The following ATP1B2 variants were observed in gnomAD, a reference collection of about 807,000 sequenced individuals.
The protein encoded by ATP1B2 is sodium/potassium-transporting ATPase subunit beta-2.
Under a neutral mutation model 37.3 loss-of-function variants are expected in ATP1B2, and 12 were observed. The observed-to-expected ratio is 0.32, with a 90% CI of 0.21 to 0.52. The LOEUF is 0.52. ATP1B2 is among the 20% of genes least tolerant of loss of function. ATP1B2 has a pLI of 0.96. For synonymous variants in ATP1B2, 139 were observed against 140.5 expected (o/e 0.99, Z 0.07); for missense variants, 324 against 391.6 (o/e 0.83, Z 1.46).
chr17:7,651,418 C>T lies in ATP1B2; in HGVS notation c.-101C>T. On this transcript the variant is annotated 5_prime_UTR_variant, in exon 1 of 7. Transcript: ENST00000250111. Reference sequence around the variant, plus strand: ...GGGTCTCCTTTGCCCGCGCCGCCTTCGCTCCCCGTGCTTTTGGGTGTGTGG... The same window carrying T: ...GGGTCTCCTTTGCCCGCGCCGCCTTTGCTCCCCGTGCTTTTGGGTGTGTGG... The T allele has an allele frequency of 9.1e-7, 1 of 1,102,320 alleles. No homozygotes were observed. The highest frequency in any genetic ancestry group is 1.3e-6 in the Non-Finnish European group (1 of 753,168). 68.3% of individuals were successfully genotyped at this position (1,102,320 alleles called of 1,614,324 possible).
At chr17:7,651,678 G>T (rs1336522111) in intron 1 of ATP1B2, 48 bp downstream of exon 1, 2 of 1,502,882 alleles carry the variant, frequency 1.3e-6, no homozygotes, top group Admixed American at 4.0e-5. Context: ...GCGGGGCGAC[G>T]CCTCGGGGGC....
rs2072655114 is a variant in ATP1B2 at position 7,656,646 on chromosome 17, C to T, written c.*751C>T. On this transcript the variant is annotated 3_prime_UTR_variant, in exon 7 of 7. Transcript: ENST00000250111. ...CTGAAAATCCTCTAGCAGCCCCCGA[C>T]TTCAGCAGTTTCTTTCTTTGTTTTT... 6.5e-6 allele frequency: 1 copy of T among 152,992 alleles called. No individual in the cohort carries two copies. The highest frequency in any genetic ancestry group is 2.4e-5 in the African/African-American group (1 of 41,420). 9.5% of individuals were successfully genotyped at this position (152,992 alleles called of 1,614,324 possible). A position where few individuals can be genotyped will look rare whatever the true frequency, so the allele number is the denominator to read the frequency against.
Position 7,653,617 on chromosome 17 carries a change from T to C in ATP1B2, c.241+115T>C, listed in dbSNP as rs2072628343. The C allele has an allele frequency of 5.1e-5, 75 of 1,481,300 alleles. 1 individual carries two copies. The South Asian group carries it at 9.8e-4, about 19-fold the overall frequency. The allele number at this position is 1,481,300 out of a possible 1,614,324, so 91.8% of individuals were successfully genotyped here. ...TGATTTTGATGACCCAATCCCCACG[T>C]GCTTGGAAGTTCTTGAAATCTGTCC... is the stretch of plus-strand genomic sequence containing the variant. On this transcript the variant is annotated intron_variant, in intron 2 of 6. Transcript: ENST00000250111.
chr17:7,651,150 G>T lies in ATP1B2; in HGVS notation c.-369G>T. On this transcript the variant is annotated 5_prime_UTR_variant, in exon 1 of 7. Coordinates refer to ENST00000250111, the MANE Select transcript of ATP1B2 (RefSeq NM_001678.5). Reference sequence around the variant, plus strand: ...CCTTTTTGTACCCCGCTTTTTTTCTGCGTTCTGCTCGGTTTTTGTAGCCGT... The same window carrying T: ...CCTTTTTGTACCCCGCTTTTTTTCTTCGTTCTGCTCGGTTTTTGTAGCCGT... The T allele has an allele frequency of 1.4e-5, 3 of 214,826 alleles. No individual in the cohort carries two copies. Among genetic ancestry groups the T allele is most frequent in the Admixed American group, 5.8e-5 (1 of 17,184 alleles). 13.3% of individuals were successfully genotyped at this position (214,826 alleles called of 1,614,324 possible). A position where few individuals can be genotyped will look rare whatever the true frequency, so the allele number is the denominator to read the frequency against.
Position 7,655,574 on chromosome 17 carries a change from C to T in ATP1B2, c.657C>T (p.Ala219=), listed in dbSNP as rs2150978704. 1.2e-6 allele frequency: 2 copies of T among 1,614,208 alleles called. No homozygotes were observed. The highest frequency in any genetic ancestry group is 1.1e-5 in the South Asian group (1 of 91,080). ...ENLGNFVMFP[A]NGNIDLMYFP... is the part of the protein sequence containing the mutation. ...TCGGCAACTTCGTCATGTTCCCCGC[C>T]AACGGCAACATCGACCTCATGTACT... Residue 219 remains alanine, a synonymous_variant, in exon 6 of 7, where the codon GCC becomes GCT. Transcript: ENST00000250111. The surrounding 1 kb of genome is among the most constrained non-coding windows in gnomAD (Gnocchi z 4.4).
chr17:7,657,327 C>G lies in ATP1B2; in HGVS notation c.*1432C>G, dbSNP rs573864793. 1 of 152,238 alleles carries G rather than the reference C, an allele frequency of 6.6e-6. No individual in the cohort carries two copies. The highest frequency in any genetic ancestry group is 6.5e-5 in the Admixed American group (1 of 15,274). The allele number at this position is 152,238 out of a possible 1,614,324, so 9.4% of individuals were successfully genotyped here. On this transcript the variant is annotated 3_prime_UTR_variant, in exon 7 of 7. Coordinates refer to ENST00000250111, the MANE Select transcript of ATP1B2 (RefSeq NM_001678.5). Reference sequence around the variant, plus strand: ...TCCTCTGCATGCCAGCCTGAAAATTCCAAATCTAGCCTCTGAATGTCTTGG... The same window carrying G: ...TCCTCTGCATGCCAGCCTGAAAATTGCAAATCTAGCCTCTGAATGTCTTGG...
Position 7,651,155 on chromosome 17 carries a change from C to A in ATP1B2, c.-364C>A. The A allele has an allele frequency of 4.3e-6, 1 of 231,456 alleles. No homozygotes were observed. Among genetic ancestry groups the A allele is most frequent in the South Asian group, 4.6e-5 (1 of 21,886 alleles). 14.3% of individuals were successfully genotyped at this position (231,456 alleles called of 1,614,324 possible). A position where few individuals can be genotyped will look rare whatever the true frequency, so the allele number is the denominator to read the frequency against. ...TTGTACCCCGCTTTTTTTCTGCGTT[C>A]TGCTCGGTTTTTGTAGCCGTCTGTT... On this transcript the variant is annotated 5_prime_UTR_variant, in exon 1 of 7. The change creates a new upstream start codon in the 5' untranslated region. Transcript: ENST00000250111.
At chr17:7,653,977 A>G (rs2072631802) in intron 3 of ATP1B2, 32 bp downstream of exon 3, 1 of 1,613,414 alleles carries the variant, frequency 6.2e-7, no homozygotes, top group Non-Finnish European at 8.5e-7. Context: ...TGTCAGTTCA[A>G]GACTTCGGGC....
Position 7,655,371 on chromosome 17 carries a change from GACAC to G in ATP1B2, c.610-146_610-143del, listed in dbSNP as rs1163044113. 9.0e-6 allele frequency: 6 copies of G among 666,576 alleles called. No homozygotes were observed. Among genetic ancestry groups the G allele is most frequent in the Non-Finnish European group, 1.0e-5 (4 of 384,484 alleles). 41.3% of individuals were successfully genotyped at this position (666,576 alleles called of 1,614,324 possible). On this transcript the variant is annotated intron_variant, in intron 5 of 6. Coordinates refer to ENST00000250111, the MANE Select transcript of ATP1B2 (RefSeq NM_001678.5). This position sits in a 1 kb window ranked among gnomAD's most constrained non-coding sequence, Gnocchi z 4.4. Reference sequence around the variant, plus strand: ...CCCCTCATCTACACACGCACATGCAGACACACACACACAGACTCACAGCTCCAGG... The same window carrying G: ...CCCCTCATCTACACACGCACATGCAGACACACACAGACTCACAGCTCCAGG...
upstream of ATP1B2, among the ~76,000 whole-genome samples, chr17:7,647,558 C>T (rs977339298): frequency 1.4e-4 from 21 of 152,142 alleles, no homozygotes; most frequent in African/African-American, 4.6e-4. Flanking sequence ...CGGTGGCTCA[C>T]GCCTGTAATC....
In ATP1B2 at chr17:7,656,135, G is replaced by A. The variant is rs974353760; in HGVS notation, c.*240G>A. ...TCAGTCAGACAGGGAGCTGGGCTAA[G>A]ATGGCCACGGAGGAGTTAGGAGCCT... On this transcript the variant is annotated 3_prime_UTR_variant, in exon 7 of 7. Transcript: ENST00000250111. The A allele has an allele frequency of 1.4e-5, 8 of 576,540 alleles. No individual in the cohort carries two copies. The highest frequency in any genetic ancestry group is 2.1e-5 in the Non-Finnish European group (7 of 326,472). 35.7% of individuals were successfully genotyped at this position (576,540 alleles called of 1,614,324 possible). A position where few individuals can be genotyped will look rare whatever the true frequency, so the allele number is the denominator to read the frequency against.
upstream of ATP1B2, among the ~76,000 whole-genome samples, chr17:7,650,780 G>C (rs1258662192): frequency 1.3e-5 from 2 of 152,082 alleles, no homozygotes; most frequent in African/African-American, 4.8e-5. Flanking sequence ...GAGAAGTCAG[G>C]GGGGCGGGCC....
chr17:7,653,262 C>T (rs764273066), intron 1 of ATP1B2, 112 bp from the exon 2 acceptor site: 54 of 1,485,298 alleles, frequency 3.6e-5, no homozygotes, highest in Non-Finnish European at 4.8e-5. Context: ...ATCCCTGTGG[C>T]TCTGTGATCA....
At position 7,656,927 on chromosome 17, in the gene ATP1B2, T is replaced by TGCCTCGGCCTCC. The variant is rs938101186; in HGVS notation, c.*1033_*1044dup. The TGCCTCGGCCTCC allele has an allele frequency of 6.6e-6, 1 of 150,730 alleles. No homozygotes were observed. The highest frequency in any genetic ancestry group is 2.4e-5 in the African/African-American group (1 of 41,192). 9.3% of individuals were successfully genotyped at this position (150,730 alleles called of 1,614,324 possible). The stretch of plus-strand genomic sequence containing the variant: ...AACTCCCGACCTCAGGTGATCCACC[T>TGCCTCGGCCTCC]GCCTCGGCCTCCCAAAGTGTTGGGA... On this transcript the variant is annotated 3_prime_UTR_variant, in exon 7 of 7. Transcript: ENST00000250111.
Position 7,654,547 on chromosome 17 carries a change from G to T in ATP1B2, c.553-81G>T, listed in dbSNP as rs2072636834. 2.7e-6 allele frequency: 4 copies of T among 1,478,464 alleles called. No individual in the cohort carries two copies. The highest frequency in any genetic ancestry group is 3.8e-6 in the Non-Finnish European group (4 of 1,057,680). The allele number at this position is 1,478,464 out of a possible 1,614,324, so 91.6% of individuals were successfully genotyped here. ...AACCTCCCTAGTAGTTGGGACTACA[G>T]TCCCCGGCTTAGCTTGGTCTGGATG... On this transcript the variant is annotated intron_variant, in intron 4 of 6. Coordinates refer to ENST00000250111, the MANE Select transcript of ATP1B2 (RefSeq NM_001678.5). This position sits in a 1 kb window ranked among gnomAD's most constrained non-coding sequence, Gnocchi z 4.9.
intron 1 of ATP1B2, among the ~76,000 whole-genome samples, chr17:7,653,069 T>A (rs1309362064): frequency 6.6e-6 from 1 of 152,188 alleles, no homozygotes; most frequent in Non-Finnish European, 1.5e-5. Flanking sequence ...ATGTGTGCCT[T>A]GTCAGGACTA....
chr17:7,651,659 G>C (rs377661469), intron 1 of ATP1B2, 29 bp downstream of exon 1: 38 of 1,557,702 alleles, frequency 2.4e-5, no homozygotes, highest in Admixed American at 5.7e-5. Flanking sequence ...CAAGGGGCGG[G>C]GGAAAGCCGC....
At chr17:7,648,436 G>A (rs904249108), upstream of ATP1B2, among the ~76,000 whole-genome samples, 5 of 151,482 alleles carry the variant, frequency 3.3e-5, no homozygotes, top group Non-Finnish European at 5.9e-5. Context: ...GAAATTAGCC[G>A]GGCGTGGTGG....
rs1347901761 is a variant in ATP1B2, at chr17:7,651,476, G to T, written c.-43G>T. 6.5e-7 allele frequency: 1 copy of T among 1,529,474 alleles called. No individual in the cohort carries two copies. The highest frequency in any genetic ancestry group is 2.5e-5 in the East Asian group (1 of 40,794). The allele number at this position is 1,529,474 out of a possible 1,614,324, so 94.7% of individuals were successfully genotyped here. ...CAGCGCGCGGCGCCCCCGCTTCTCC[G>T]CAACCCCCCGCCCCGCGCCCGGACT... On this transcript the variant is annotated 5_prime_UTR_variant, in exon 1 of 7. Transcript: ENST00000250111.
Sources: gnomAD v4.1 joint callset for allele counts (sites outside exome capture counted in the v4.1 genomes callset) on GRCh38, gnomAD v4.1.1 for gene constraint, Gnocchi (gnomAD v3.1) non-coding constraint, MANE v1.5 for transcripts, NCBI Gene and HGNC (gene_info 2026-07-23, HGNC 2026-07-21) for gene names.